Variants in PRKD1 observed in about 807,000 individuals in gnomAD.
PRKD1 encodes the protein protein kinase D1, also known as serine/threonine-protein kinase D1.
A neutral mutation model predicts 95.9 loss-of-function variants in PRKD1; 63 were observed. The ratio of observed to expected loss-of-function variants is 0.66; its 90% confidence interval spans 0.54 to 0.81. The LOEUF is 0.81. Ranked by LOEUF, PRKD1 falls within the 30% of genes least tolerant of loss-of-function variation. The pLI, the probability that PRKD1 is intolerant of heterozygous loss-of-function variation, is 0.00. For missense variants in PRKD1, 1,048 were observed against 1,165.3 expected, an observed-to-expected ratio of 0.90 and a Z score of 1.47; for synonymous variants, 425 against 423.1, an observed-to-expected ratio of 1.00 and a Z score of -0.05.
intron 2 of PRKD1, among the ~76,000 whole-genome samples, chr14:29,679,107 C>T (rs1883389525): frequency 6.6e-6 from 1 of 152,174 alleles, no homozygotes; most frequent in African/African-American, 2.4e-5. Context: ...CCATGTGCTT[C>T]ATTTATTTTG....
At chr14:29,585,384 T>C (rs943634854) in intron 16 of PRKD1, among the ~76,000 whole-genome samples, 7 of 152,174 alleles carry the variant, frequency 4.6e-5, no homozygotes, top group Non-Finnish European at 8.8e-5. Flanking sequence ...TCTTTCCTTT[T>C]CAGTTCTTTC....
At chr14:29,840,100 G>A (rs1317534854) in intron 1 of PRKD1, among the ~76,000 whole-genome samples, 1 of 152,040 alleles carries the variant, frequency 6.6e-6, no homozygotes, top group African/African-American at 2.4e-5. Context: ...ACATTGTCAG[G>A]CGGCAAATTT....
chr14:29,819,451 G>A (rs1890819941), intron 1 of PRKD1, among the ~76,000 whole-genome samples: 2 of 152,166 alleles, frequency 1.3e-5, no homozygotes, highest in Admixed American at 1.3e-4. Context: ...AGCACTTTGG[G>A]AGGCCGAGGC....
chr14:29,678,767 T>TA (rs571864189), intron 2 of PRKD1, among the ~76,000 whole-genome samples: 77 of 152,304 alleles, frequency 5.1e-4, no homozygotes, highest in South Asian at 2.1e-3. Flanking sequence ...GCATCTCTGA[T>TA]AAAAAAATGC....
intron 1 of PRKD1, among the ~76,000 whole-genome samples, chr14:29,814,603 A>G (rs1890618993): frequency 1.3e-5 from 2 of 152,110 alleles, no homozygotes; most frequent in South Asian, 2.1e-4. Context: ...TGCACAGCTG[A>G]CTTTGATGCA....
At chr14:29,663,070 AATAT>A (rs1044464081) in intron 4 of PRKD1, among the ~76,000 whole-genome samples, 297 of 146,468 alleles carry the variant, frequency 2.0e-3, no homozygotes, top group Admixed American at 4.7e-3. Flanking sequence ...TTTTATATAT[AATAT>A]ATATAAAATA....
rs147308040 is a variant in PRKD1, at chr14:29,676,177, G to GTTTTTTTTTTTTTTTTTTTTTTTTTTT, written c.404-9970_404-9969insAAAAAAAAAAAAAAAAAAAAAAAAAAA. ...GCTGTAGGCATGCATAGTTCATTAC[G>GTTTTTTTTTTTTTTTTTTTTTTTTTTT]TTTTTGTTTTTTTTTTTTTTTTTTT... On this transcript the variant is annotated intron_variant, in intron 2 of 17. Transcript: ENST00000331968. Among the ~76,000 whole-genome samples, 38 of 104,738 alleles carry GTTTTTTTTTTTTTTTTTTTTTTTTTTT rather than the reference G, an allele frequency of 3.6e-4. 2 individuals are homozygous for GTTTTTTTTTTTTTTTTTTTTTTTTTTT. Among genetic ancestry groups the GTTTTTTTTTTTTTTTTTTTTTTTTTTT allele is most frequent in the African/African-American group, 5.4e-4 (13 of 23,880 alleles). The allele number at this position is 104,738 out of a possible 152,430, so 68.7% of individuals were successfully genotyped here. A position where few individuals can be genotyped will look rare whatever the true frequency, so the allele number is the denominator to read the frequency against.
intron 1 of PRKD1, among the ~76,000 whole-genome samples, chr14:29,741,470 G>A (rs1886976726): frequency 6.6e-6 from 1 of 152,122 alleles, no homozygotes. Context: ...GAGATTAGAT[G>A]AACCAACATA....
chr14:29,908,019 T>C (rs531545930), intron 1 of PRKD1, among the ~76,000 whole-genome samples: 1 of 152,306 alleles, frequency 6.6e-6, no homozygotes, highest in African/African-American at 2.4e-5. Flanking sequence ...ACCGTGAAAC[T>C]GTTAGATATA....
At chr14:29,623,794 C>T (rs1449174434) in intron 13 of PRKD1, among the ~76,000 whole-genome samples, 6 of 152,016 alleles carry the variant, frequency 3.9e-5, no homozygotes, top group Non-Finnish European at 8.8e-5. Flanking sequence ...AGTTACATAC[C>T]CAATTCATGT....
At chr14:29,775,451 T>C in intron 1 of PRKD1, among the ~76,000 whole-genome samples, 1 of 152,224 alleles carries the variant, frequency 6.6e-6, no homozygotes, top group East Asian at 1.9e-4. Flanking sequence ...CCCACCCTAA[T>C]GCTGCGCTTT....
chr14:29,747,992 C>T (rs1423160260), intron 1 of PRKD1, among the ~76,000 whole-genome samples: 1 of 152,184 alleles, frequency 6.6e-6, no homozygotes, highest in East Asian at 1.9e-4. Context: ...GATCCTCCCA[C>T]CTCCGCCTCC....
Position 29,607,744 on chromosome 14 carries a change from A to G in PRKD1, c.1906-7927T>C, listed in dbSNP as rs545541191. 2.0e-5 allele frequency among the ~76,000 whole-genome samples: 3 copies of G among 152,288 alleles called. 1 individual carries two copies. The South Asian group carries it at 6.2e-4, about 32-fold the overall frequency. ...ATGTCATTAGATTGAGCACACCTGAATAATCCAAACGACTCTTCCTATTTT... is the reference window on the plus strand; with the variant it reads ...ATGTCATTAGATTGAGCACACCTGAGTAATCCAAACGACTCTTCCTATTTT... On this transcript the variant is annotated intron_variant, in intron 13 of 17. Coordinates refer to ENST00000331968, the MANE Select transcript of PRKD1 (RefSeq NM_002742.3).
chr14:29,734,121 C>A (rs1172419346), intron 1 of PRKD1, among the ~76,000 whole-genome samples: 1 of 146,834 alleles, frequency 6.8e-6, no homozygotes, highest in Non-Finnish European at 1.5e-5. Flanking sequence ...TGGCTCACTG[C>A]AACCTCCGCC....
At chr14:29,831,165 A>T (rs1198348757) in intron 1 of PRKD1, among the ~76,000 whole-genome samples, 1 of 152,210 alleles carries the variant, frequency 6.6e-6, no homozygotes, top group Non-Finnish European at 1.5e-5. Context: ...TTGATTTCAT[A>T]AATGCCTCAA....
intron 2 of PRKD1, among the ~76,000 whole-genome samples, chr14:29,715,890 G>A (rs1885582809): frequency 1.3e-5 from 2 of 152,106 alleles, no homozygotes; most frequent in African/African-American, 4.8e-5. Flanking sequence ...TAAGCCACAT[G>A]CGTTTTAGAA....
chr14:29,853,125 G>T (rs188570812), intron 1 of PRKD1, among the ~76,000 whole-genome samples: 5 of 152,160 alleles, frequency 3.3e-5, no homozygotes, highest in Admixed American at 3.3e-4. Context: ...AATCAGAAAA[G>T]ATTACAAGAG....
At chr14:29,633,511 C>T (rs558233306) in intron 8 of PRKD1, among the ~76,000 whole-genome samples, 1 of 152,286 alleles carries the variant, frequency 6.6e-6, no homozygotes, top group East Asian at 1.9e-4. Context: ...ACCAACTCTA[C>T]CTTCTCTCCA....
At chr14:29,767,712 C>A (rs1888316753) in intron 1 of PRKD1, among the ~76,000 whole-genome samples, 1 of 152,152 alleles carries the variant, frequency 6.6e-6, no homozygotes, top group Non-Finnish European at 1.5e-5. Context: ...ACGATTTTAG[C>A]AGCAATGTCA....
Sources: allele counts gnomAD v4.1 joint callset (sites outside exome capture counted in the v4.1 genomes callset), GRCh38; gene constraint gnomAD v4.1.1; transcripts MANE v1.5; gene names NCBI Gene and HGNC (gene_info 2026-07-23, HGNC 2026-07-21).